The following C8A variants were observed in gnomAD, a reference collection of about 807,000 sequenced individuals.
The protein encoded by C8A is complement component C8 alpha chain.
C8A carries 67 observed loss-of-function variants against 65.3 expected under a neutral mutation model. The observed-to-expected ratio is 1.03, with a 90% confidence interval of 0.84 to 1.26. The LOEUF is 1.26. C8A is among the 50% of genes most tolerant of loss of function. C8A has a pLI of 0.00. For missense variants in C8A, 781 were observed against 723.9 expected, an observed-to-expected ratio of 1.08 and a Z score of -0.90; for synonymous variants, 290 against 259.4, an observed-to-expected ratio of 1.12 and a Z score of -1.13.
intron 2 of C8A, among the ~76,000 whole-genome samples, chr1:56,871,253 T>C (rs1257876413): frequency 6.6e-6 from 1 of 152,198 alleles, no homozygotes; most frequent in Non-Finnish European, 1.5e-5. Flanking sequence ...TTTGTTTAGG[T>C]CACCCATTAA....
At chr1:56,855,158 TG>T (rs1414608048) in intron 1 of C8A, among the ~76,000 whole-genome samples, 180 bp downstream of exon 1, 1 of 152,184 alleles carries the variant, frequency 6.6e-6, no homozygotes, top group African/African-American at 2.4e-5. Flanking sequence ...GGAGTCAAAT[TG>T]GTCTATGTGT....
At chr1:56,881,352 G>A (rs377137360) in intron 4 of C8A, 93 bp from the exon 5 acceptor site, 1 of 1,243,944 alleles carries the variant, frequency 8.0e-7, no homozygotes, top group Non-Finnish European at 1.2e-6. Context: ...AGGTAAACGT[G>A]TGCCATGGTG....
chr1:56,876,900 A>C (rs1644203666), intron 4 of C8A, among the ~76,000 whole-genome samples: 3 of 152,116 alleles, frequency 2.0e-5, no homozygotes, highest in Non-Finnish European at 2.9e-5. Flanking sequence ...TTCTGCACTG[A>C]ATTTTGTCTC....
intron 7 of C8A, among the ~76,000 whole-genome samples, chr1:56,902,639 T>C (rs910153669): frequency 6.6e-6 from 1 of 152,194 alleles, no homozygotes; most frequent in Admixed American, 6.5e-5. Context: ...TGATTAGTAA[T>C]TCTACCTTTC....
intron 6 of C8A, among the ~76,000 whole-genome samples, chr1:56,884,589 A>G (rs535748215): frequency 6.6e-6 from 1 of 152,256 alleles, no homozygotes; most frequent in South Asian, 2.1e-4. Flanking sequence ...AAAGTCCTAT[A>G]TTGTTCAAGG....
chr1:56,905,788 C>T, intron 7 of C8A, among the ~76,000 whole-genome samples: 1 of 152,206 alleles, frequency 6.6e-6, no homozygotes, highest in East Asian at 1.9e-4. Context: ...CCAGATGACT[C>T]CTTTAGCTAC....
chr1:56,897,711 G>A (rs939350375), intron 7 of C8A, among the ~76,000 whole-genome samples: 2 of 152,182 alleles, frequency 1.3e-5, no homozygotes, highest in Non-Finnish European at 2.9e-5. Flanking sequence ...CTTTCAGGAA[G>A]ATTCTGAGTA....
rs143726641 is a variant in C8A at position 56,917,703 on chromosome 1, C to T, written c.1742C>T (p.Thr581Met). 86 of 1,614,142 alleles carry T rather than the reference C, an allele frequency of 5.3e-5. No homozygotes were observed. Among genetic ancestry groups the T allele is most frequent in the Admixed American group, 5.0e-5 (3 of 60,026 alleles). ...GASCPGRKVQ[T>M]QAC ...TCGTGTCCAGGGCGGAAAGTACAGACGCAGGCTTGCTGAGGGCCTCTGGAC... is the reference window on the plus strand; with the variant it reads ...TCGTGTCCAGGGCGGAAAGTACAGATGCAGGCTTGCTGAGGGCCTCTGGAC... The change falls in exon 11 of 11, where the codon ACG becomes ATG. Residue 581 changes from threonine to methionine, a missense_variant. Coordinates refer to ENST00000361249, the MANE Select transcript of C8A (RefSeq NM_000562.3).
intron 7 of C8A, among the ~76,000 whole-genome samples, chr1:56,893,313 T>C (rs1246829678): frequency 6.6e-6 from 1 of 152,166 alleles, no homozygotes; most frequent in Non-Finnish European, 1.5e-5. Context: ...GTGGAGTCAG[T>C]AAGTACTAAA....
Position 56,881,625 on chromosome 1 carries a change from C to T in C8A, c.645C>T (p.Tyr215=), listed in dbSNP as rs747499520. The part of the protein sequence containing the change: ...YFRKPYNFLK[Y]HFEALADTGI... ...GGAAACCCTACAACTTTCTGAAGTACCACTTTGAAGTAAGTCTGAACAGAG... is the reference window on the plus strand; with the variant it reads ...GGAAACCCTACAACTTTCTGAAGTATCACTTTGAAGTAAGTCTGAACAGAG... The change falls in exon 5 of 11, where the codon TAC becomes TAT. Residue 215 remains tyrosine (Y), a synonymous_variant. Transcript: ENST00000361249. 1.9e-6 allele frequency: 3 copies of T among 1,612,994 alleles called. No homozygotes were observed. The highest frequency in any genetic ancestry group is 2.5e-6 in the Non-Finnish European group (3 of 1,179,642).
At chr1:56,860,012 G>A (rs1028162738) in intron 1 of C8A, among the ~76,000 whole-genome samples, 4 of 152,198 alleles carry the variant, frequency 2.6e-5, no homozygotes, top group African/African-American at 7.2e-5. Context: ...GCAGGGAGCC[G>A]AGATCGTGCC....
chr1:56,867,589 T>C lies in C8A; in HGVS notation c.78-20T>C. On this transcript the variant is annotated intron_variant, in intron 1 of 10. Coordinates refer to ENST00000361249, the MANE Select transcript of C8A (RefSeq NM_000562.3). ...AATTTTGCATCTCAAAATTGATGCA[T>C]GGATCTTCCCTTTCTTTAGGAGAGT... 6.3e-7 allele frequency: 1 copy of C among 1,590,522 alleles called. No homozygotes were observed. The highest frequency in any genetic ancestry group is 1.1e-5 in the South Asian group (1 of 90,454).
At chr1:56,870,247 C>A (rs1026032695) in intron 2 of C8A, among the ~76,000 whole-genome samples, 1 of 152,098 alleles carries the variant, frequency 6.6e-6, no homozygotes, top group Non-Finnish European at 1.5e-5. Flanking sequence ...CTCTTAGAGG[C>A]GCTAGAAGGG....
intron 1 of C8A, among the ~76,000 whole-genome samples, chr1:56,866,993 A>T (rs1368453522): frequency 6.6e-6 from 1 of 152,158 alleles, no homozygotes; most frequent in African/African-American, 2.4e-5. Flanking sequence ...GCTTTTAGGA[A>T]TCCCAGCTTT....
intron 4 of C8A, among the ~76,000 whole-genome samples, chr1:56,879,900 C>T (rs572430750): frequency 6.6e-5 from 10 of 152,282 alleles, no homozygotes; most frequent in Non-Finnish European, 1.5e-4. Flanking sequence ...TGCTCCTTTC[C>T]TGCCTTGTGC....
intron 2 of C8A, among the ~76,000 whole-genome samples, chr1:56,874,159 G>A (rs559303501): frequency 6.6e-6 from 1 of 152,252 alleles, no homozygotes; most frequent in East Asian, 1.9e-4. Context: ...AATTCCAGGA[G>A]AAAGAATCTG....
intron 10 of C8A, among the ~76,000 whole-genome samples, chr1:56,916,330 C>A (rs184381105): frequency 1.3e-4 from 20 of 152,286 alleles, no homozygotes; most frequent in African/African-American, 4.8e-4. Context: ...TTGGGGCTGT[C>A]ATACTGAACT....
At chr1:56,914,637 T>C (rs957219416) in intron 10 of C8A, among the ~76,000 whole-genome samples, 52 of 152,180 alleles carry the variant, frequency 3.4e-4, no homozygotes, top group African/African-American at 1.2e-3. Flanking sequence ...ATAGCATAGC[T>C]CAGGTACCAA....
At position 56,885,341 on chromosome 1, in the gene C8A, C is replaced by T. The variant is rs867046713; in HGVS notation, c.856-586C>T. On this transcript the variant is annotated intron_variant, in intron 6 of 10. Transcript: ENST00000361249. Reference sequence around the variant, plus strand: ...ATATATTTATTTAAATATATATTTACATAAATATATATTTATGTAAATATA... The same window carrying T: ...ATATATTTATTTAAATATATATTTATATAAATATATATTTATGTAAATATA... Among the ~76,000 whole-genome samples, 201 of 120,326 alleles carry T rather than the reference C, an allele frequency of 1.7e-3. 2 individuals are homozygous for T. Among genetic ancestry groups the T allele is most frequent in the African/African-American group, 3.1e-3 (91 of 28,978 alleles). The allele number at this position is 120,326 out of a possible 152,430, so 78.9% of individuals were successfully genotyped here.
Sources: gnomAD v4.1 joint callset for allele counts (sites outside exome capture counted in the v4.1 genomes callset) on GRCh38, gnomAD v4.1.1 for gene constraint, MANE v1.5 for transcripts, NCBI Gene and HGNC (gene_info 2026-07-23, HGNC 2026-07-21) for gene names.